Variants in LIMA1 observed in about 807,000 individuals in gnomAD.
The protein encoded by LIMA1 is LIM domain and actin binding 1.
LIMA1 carries 52 observed loss-of-function variants against 62.6 expected under a neutral mutation model. The observed-to-expected ratio is 0.83, with a 90% CI of 0.67 to 1.05. LIMA1 has a LOEUF of 1.05. Among genes scored for constraint, LIMA1 ranks in the 50% least tolerant of loss-of-function variants. LIMA1 has a pLI of 0.00. For missense variants in LIMA1, 780 were observed against 902.2 expected (o/e 0.86, Z 1.74); for synonymous variants, 302 against 317.8 (o/e 0.95, Z 0.53).
At chr12:50,248,574 G>A in intron 2 of LIMA1, 59 bp downstream of exon 2, 1 of 1,044,996 alleles carries the variant, frequency 9.6e-7, no homozygotes, top group Non-Finnish European at 1.5e-6. Context: ...CAATTTCCCT[G>A]ACAGGTGGCA....
intron 2 of LIMA1, among the ~76,000 whole-genome samples, chr12:50,232,879 C>T (rs1309192370): frequency 2.6e-5 from 4 of 152,284 alleles, no homozygotes; most frequent in Non-Finnish European, 4.4e-5. Flanking sequence ...CCCAGCTACT[C>T]GGGGGGCTGA....
intron 4 of LIMA1, among the ~76,000 whole-genome samples, chr12:50,207,065 C>T (rs1348587938): frequency 6.6e-6 from 1 of 152,074 alleles, no homozygotes; most frequent in Non-Finnish European, 1.5e-5. Context: ...GCTGGGATTA[C>T]AGGCGCCTGC....
chr12:50,223,038 G>A (rs1241822231), intron 3 of LIMA1, among the ~76,000 whole-genome samples: 1 of 152,080 alleles, frequency 6.6e-6, no homozygotes, highest in African/African-American at 2.4e-5. Flanking sequence ...TAGAACCCTG[G>A]AGAAGTCCCC....
intron 4 of LIMA1, among the ~76,000 whole-genome samples, chr12:50,217,402 AAATAGCAAAAGCC>A (rs1290274857): frequency 6.6e-6 from 1 of 152,132 alleles, no homozygotes; most frequent in Non-Finnish European, 1.5e-5. Flanking sequence ...ACCTATTGCT[AAATAGCAAAAGCC>A]AGAGGCTTAG....
intron 8 of LIMA1, among the ~76,000 whole-genome samples, chr12:50,194,119 C>A (rs1299967046): frequency 1.2e-4 from 18 of 150,436 alleles, no homozygotes; most frequent in African/African-American, 4.4e-4. Context: ...TCCTGAGTAG[C>A]TGGGACTACA....
chr12:50,210,078 G>A (rs1363770084), intron 4 of LIMA1, among the ~76,000 whole-genome samples: 1 of 152,038 alleles, frequency 6.6e-6, no homozygotes, highest in Non-Finnish European at 1.5e-5. Context: ...ACAAAAATTA[G>A]AATTTTCAAA....
chr12:50,216,021 C>G (rs1941339790), intron 4 of LIMA1, among the ~76,000 whole-genome samples: 1 of 144,670 alleles, frequency 6.9e-6, no homozygotes, highest in African/African-American at 2.6e-5. Flanking sequence ...CCAGCCTGGG[C>G]AACAGAGCGA....
chr12:50,223,672 T>C (rs548324342), intron 3 of LIMA1, among the ~76,000 whole-genome samples: 2 of 152,290 alleles, frequency 1.3e-5, no homozygotes, highest in East Asian at 1.9e-4. Context: ...AATTTATACA[T>C]GTAAGACAGA....
chr12:50,208,695 T>C (rs115349843), intron 4 of LIMA1, among the ~76,000 whole-genome samples: 2,112 of 151,508 alleles, frequency 0.014, 46 homozygotes, highest in African/African-American at 0.049. Context: ...ATATTACATA[T>C]GTGTGTGTGT....
chr12:50,240,580 C>A lies in LIMA1; in HGVS notation c.119+8053G>T, dbSNP rs544209136. Reference sequence around the variant, plus strand: ...AGAATGATTCCTAGGTTTCTGGCAGCTGAGTCAATGGAAGTAATGCTTCCT... The same window carrying A: ...AGAATGATTCCTAGGTTTCTGGCAGATGAGTCAATGGAAGTAATGCTTCCT... On this transcript the variant is annotated intron_variant, in intron 2 of 10. Transcript: ENST00000341247. 3.9e-5 allele frequency among the ~76,000 whole-genome samples: 6 copies of A among 152,162 alleles called. 2 individuals are homozygous for A. The South Asian group carries it at 1.2e-3, about 32-fold the overall frequency.
chr12:50,210,284 A>G (rs931575501), intron 4 of LIMA1, among the ~76,000 whole-genome samples: 1 of 151,936 alleles, frequency 6.6e-6, no homozygotes, highest in Non-Finnish European at 1.5e-5. Flanking sequence ...TTAGCTGAGC[A>G]TGGTGGCACG....
rs755931465 is a variant in LIMA1 at position 50,177,677 on chromosome 12, C to A, written c.1667G>T (p.Trp556Leu). 2.5e-6 allele frequency: 4 copies of A among 1,609,452 alleles called. No homozygotes were observed. Among genetic ancestry groups the A allele is most frequent in the Non-Finnish European group, 3.4e-6 (4 of 1,178,122 alleles). The change falls in exon 11 of 11, where the codon TGG (tryptophan) becomes TTG (leucine). Residue 556 changes from tryptophan to leucine, a missense_variant. Coordinates refer to ENST00000341247, the MANE Select transcript of LIMA1 (RefSeq NM_016357.5). ...CTTGCTGATTTCGTCTTCAGGAGGCCATTTGGGCTTTGACATTTTGATCCC... is the reference window on the plus strand; with the variant it reads ...CTTGCTGATTTCGTCTTCAGGAGGCAATTTGGGCTTTGACATTTTGATCCC... ...EEGIKMSKPK[W>L]PPEDEISKPE...
Position 50,178,926 on chromosome 12 carries a change from C to T in LIMA1, c.1275-857G>A, listed in dbSNP as rs376727588. Among the ~76,000 whole-genome samples the T allele has an allele frequency of 2.2e-4, 33 of 151,306 alleles. No homozygotes were observed. In the East Asian group the frequency reaches 2.9e-3, roughly 13 times the overall value. On this transcript the variant is annotated intron_variant, in intron 10 of 10. Coordinates refer to ENST00000341247, the MANE Select transcript of LIMA1 (RefSeq NM_016357.5). ...CATCAAGCTTTTGTGCTTGAATTAA[C>T]TCTATTCTTAACGGTATATAAATAC...
At chr12:50,188,628 G>C (rs1273401657) in intron 9 of LIMA1, 2 of 152,320 alleles carry the variant, frequency 1.3e-5, no homozygotes, top group Non-Finnish European at 2.9e-5. Flanking sequence ...CAAAGGAGTA[G>C]GCATGGGTCT....
At chr12:50,239,817 G>A (rs962075442) in intron 2 of LIMA1, among the ~76,000 whole-genome samples, 48 of 151,734 alleles carry the variant, frequency 3.2e-4, no homozygotes, top group African/African-American at 9.9e-4. Context: ...GCAACATGGC[G>A]AGACCCCATC....
chr12:50,244,229 G>A (rs754354721), intron 2 of LIMA1, among the ~76,000 whole-genome samples: 10 of 151,924 alleles, frequency 6.6e-5, no homozygotes, highest in Non-Finnish European at 8.8e-5. Flanking sequence ...TCAGCCTCCC[G>A]AGTAGCTGGG....
At chr12:50,280,727 C>T (rs1942331177) in intron 1 of LIMA1, among the ~76,000 whole-genome samples, 1 of 152,140 alleles carries the variant, frequency 6.6e-6, no homozygotes, top group South Asian at 2.1e-4. Context: ...TATGGTCCTA[C>T]CTTATCATCC....
chr12:50,207,053 T>G (rs536017557), intron 4 of LIMA1, among the ~76,000 whole-genome samples: 2 of 152,170 alleles, frequency 1.3e-5, no homozygotes, highest in South Asian at 4.2e-4. Flanking sequence ...GCCTCCTGAG[T>G]AGCTGGGATT....
intron 4 of LIMA1, among the ~76,000 whole-genome samples, chr12:50,221,562 A>G (rs1404845155): frequency 1.3e-5 from 2 of 152,196 alleles, no homozygotes; most frequent in East Asian, 3.9e-4. Context: ...CAGATGAGGA[A>G]GTTGAGAAGA....
Sources: allele counts gnomAD v4.1 joint callset (sites outside exome capture counted in the v4.1 genomes callset), GRCh38; gene constraint gnomAD v4.1.1; transcripts MANE v1.5; gene names NCBI Gene and HGNC (gene_info 2026-07-23, HGNC 2026-07-21).